The following ZNF841 variants were observed in gnomAD, a reference collection of about 807,000 sequenced individuals.
The protein encoded by ZNF841 is TCONS_00006091.
Under a neutral mutation model 13.0 loss-of-function variants are expected in ZNF841, and 11 were observed. The ratio of observed to expected loss-of-function variants is 0.85; its 90% CI spans 0.53 to 1.40. The LOEUF is 1.40. ZNF841 is among the 40% of genes most tolerant of loss of function. ZNF841 has a pLI of 0.00. For synonymous variants in ZNF841, 369 were observed against 381.6 expected, an observed-to-expected ratio of 0.97 and a Z score of 0.38; for missense variants, 1,068 against 1,139.5, an observed-to-expected ratio of 0.94 and a Z score of 0.90.
chr19:52,085,199 G>A (rs970393966), intron 3 of ZNF841, among the ~76,000 whole-genome samples: 7 of 152,132 alleles, frequency 4.6e-5, no homozygotes, highest in Non-Finnish European at 8.8e-5. Flanking sequence ...TGGATCACAG[G>A]CTGAGCTCAG....
intron 2 of ZNF841, among the ~76,000 whole-genome samples, chr19:52,091,966 ATGG>A (rs1310375320): frequency 6.6e-6 from 1 of 152,248 alleles, no homozygotes; most frequent in Non-Finnish European, 1.5e-5. Flanking sequence ...CCTGGCCAAC[ATGG>A]TGAGACCCTG....
chr19:52,079,308 G>C (rs950407338), intron 4 of ZNF841, among the ~76,000 whole-genome samples: 2 of 151,838 alleles, frequency 1.3e-5, no homozygotes, highest in African/African-American at 4.8e-5. Context: ...TTCAAGATTA[G>C]GTGGTTTATA....
intron 3 of ZNF841, among the ~76,000 whole-genome samples, chr19:52,085,390 G>A (rs1296777340): frequency 6.6e-6 from 1 of 152,184 alleles, no homozygotes; most frequent in Non-Finnish European, 1.5e-5. Flanking sequence ...GTGAAGCCAG[G>A]GTTGAACACA....
At chr19:52,069,612 C>G (rs2087684789) in intron 6 of ZNF841, among the ~76,000 whole-genome samples, 1 of 152,114 alleles carries the variant, frequency 6.6e-6, no homozygotes, top group Admixed American at 6.5e-5. Flanking sequence ...CTTTGGAAGG[C>G]AATTAGGTCA....
downstream of ZNF841, among the ~76,000 whole-genome samples, chr19:52,063,453 G>A (rs1203090291): frequency 6.6e-6 from 1 of 152,078 alleles, no homozygotes; most frequent in Non-Finnish European, 1.5e-5. Context: ...GGATTCAAGT[G>A]ATTCTTCTGC....
At chr19:52,085,575 G>A (rs911941058) in intron 3 of ZNF841, among the ~76,000 whole-genome samples, 1 of 152,234 alleles carries the variant, frequency 6.6e-6, no homozygotes, top group African/African-American at 2.4e-5. Context: ...GGTGAGAGGA[G>A]GGTGAGGCAC....
intron 4 of ZNF841, among the ~76,000 whole-genome samples, chr19:52,077,783 T>A (rs1194649423): frequency 6.6e-6 from 1 of 152,216 alleles, no homozygotes; most frequent in Non-Finnish European, 1.5e-5. Flanking sequence ...TAAGAGAGAC[T>A]AACTAACTTA....
At position 52,065,620 on chromosome 19, in the gene ZNF841, C is replaced by G; in HGVS notation, c.2262G>C (p.Arg754Ser). ...TCTCTCCAGTATGAATTCTCCGATG[C>G]CTTGCCAGGGTTGTAGTGGAGTTAA... ...KVFNSTTTLA[R>S]HRRIHTGEKP... The change falls in exon 7 of 7, where the codon AGG (arginine) becomes AGC (serine). Residue 754 changes from arginine (R) to serine (S), a missense_variant. Transcript: ENST00000594440. 1 of 1,610,948 alleles carries G rather than the reference C, an allele frequency of 6.2e-7. No homozygotes were observed. The highest frequency in any genetic ancestry group is 8.5e-7 in the Non-Finnish European group (1 of 1,178,578).
intron 5 of ZNF841, 92 bp downstream of exon 5, chr19:52,076,866 C>A: frequency 1.3e-6 from 2 of 1,493,746 alleles, no homozygotes; most frequent in Admixed American, 1.9e-5. Context: ...CAGTCTCTGT[C>A]AAATAATGTA....
Position 52,067,253 on chromosome 19 carries a change from A to G in ZNF841, c.629T>C (p.Ile210Thr), listed in dbSNP as rs1440607156. 8 of 1,551,210 alleles carry G rather than the reference A, an allele frequency of 5.2e-6. No individual in the cohort carries two copies. Residue 210 changes from isoleucine (I) to threonine (T), a missense_variant, in exon 7 of 7, where the codon ATT becomes ACT. Transcript: ENST00000594440. ...TAEKIYGCNQ[I>T]ERTVNNCFLA... ...AAAACAATTATTAACTGTCCTCTCA[A>G]TTTGATTACATCCATAAATTTTCTC...
intron 4 of ZNF841, among the ~76,000 whole-genome samples, chr19:52,077,784 AAC>A (rs1376465776): frequency 6.6e-6 from 1 of 152,218 alleles, no homozygotes; most frequent in Non-Finnish European, 1.5e-5. Flanking sequence ...AAGAGAGACT[AAC>A]TAACTTATGA....
At position 52,066,194 on chromosome 19, in the gene ZNF841, TGAC is replaced by T. The variant is rs1381606355; in HGVS notation, c.1685_1687del (p.Cys562_His563delinsTyr). 1 of 1,613,960 alleles carries T rather than the reference TGAC, an allele frequency of 6.2e-7. No homozygotes were observed. Among genetic ancestry groups the T allele is most frequent in the East Asian group, 2.2e-5 (1 of 44,878 alleles). Reference sequence around the variant, plus strand: ...ACAATGGAGAGGTTTCTCTCCAGTATGACATCTCATATGAACCGAAAGGTATCC... The same window carrying T: ...ACAATGGAGAGGTTTCTCTCCAGTATATCTCATATGAACCGAAAGGTATCC... On this transcript the variant is annotated inframe_deletion, in exon 7 of 7. Transcript: ENST00000594440.
rs929110487 is a variant in ZNF841 at position 52,065,024 on chromosome 19, C to T, written c.*83G>A. The T allele has an allele frequency of 1.0e-5, 13 of 1,279,202 alleles. No homozygotes were observed. Among genetic ancestry groups the T allele is most frequent in the Non-Finnish European group, 1.4e-5 (13 of 954,466 alleles). 79.2% of individuals were successfully genotyped at this position (1,279,202 alleles called of 1,614,324 possible). ...CCAATCACCTCCCACTAGGCTCCACCTCCAATACTGGAGATTACTACAATT... is the reference window on the plus strand; with the variant it reads ...CCAATCACCTCCCACTAGGCTCCACTTCCAATACTGGAGATTACTACAATT... On this transcript the variant is annotated 3_prime_UTR_variant, in exon 7 of 7. Coordinates refer to ENST00000594440, the MANE Select transcript of ZNF841 (RefSeq NM_001136499.2).
intron 6 of ZNF841, among the ~76,000 whole-genome samples, chr19:52,072,318 T>C (rs1221956114): frequency 1.3e-5 from 2 of 152,122 alleles, no homozygotes; most frequent in Non-Finnish European, 2.9e-5. Flanking sequence ...CTAAACTATA[T>C]ATCAAGTTGA....
the ZNF841 span, among the ~76,000 whole-genome samples, chr19:52,059,388 TATACAC>T: frequency 1.7e-5 from 2 of 118,152 alleles, no homozygotes; most frequent in Admixed American, 9.9e-5. Context: ...TATATATATA[TATACAC>T]ACACACACAC....
chr19:52,082,217 A>G (rs1338337487), intron 4 of ZNF841, among the ~76,000 whole-genome samples: 1 of 152,248 alleles, frequency 6.6e-6, no homozygotes, highest in Non-Finnish European at 1.5e-5. Context: ...TGATGGTGAC[A>G]AGACCTGCGA....
At chr19:52,095,247 G>C (rs1303651926) in intron 1 of ZNF841, among the ~76,000 whole-genome samples, 1 of 152,222 alleles carries the variant, frequency 6.6e-6, no homozygotes, top group Admixed American at 6.5e-5. Context: ...CCGGCGTGAG[G>C]ACGACACGAG....
chr19:52,089,789 T>C lies in ZNF841; in HGVS notation c.-143-787A>G, dbSNP rs149962181. ...ACACTTGGGACAGGTGCACACACCA[T>C]ACCATGGCTCATCTGAAGGCCCACC... On this transcript the variant is annotated intron_variant, in intron 2 of 6. Transcript: ENST00000594440. Among the ~76,000 whole-genome samples the C allele has an allele frequency of 2.9e-3, 436 of 152,284 alleles. 3 individuals are homozygous for C. The highest frequency in any genetic ancestry group is 0.014 in the Middle Eastern group (4 of 294).
At position 52,065,500 on chromosome 19, in the gene ZNF841, T is replaced by C; in HGVS notation, c.2382A>G (p.Lys794=). Residue 794 remains lysine (K), a synonymous_variant, in exon 7 of 7, where the codon AAA becomes AAG. Coordinates refer to ENST00000594440, the MANE Select transcript of ZNF841 (RefSeq NM_001136499.2). ...TAAAGGCTTTGCCACACTCATTACA[T>C]TTGTAAGGTTTCTCTCCAGTATGAA... is the stretch of plus-strand genomic sequence containing the variant. ...WSIHTGEKPY[K]CNECGKAFRV... The C allele has an allele frequency of 9.9e-6, 16 of 1,613,912 alleles. No individual in the cohort carries two copies. Among genetic ancestry groups the C allele is most frequent in the Non-Finnish European group, 1.3e-5 (15 of 1,179,970 alleles).
Sources: allele counts gnomAD v4.1 joint callset (sites outside exome capture counted in the v4.1 genomes callset), GRCh38; gene constraint gnomAD v4.1.1; transcripts MANE v1.5; gene names NCBI Gene and HGNC (gene_info 2026-07-23, HGNC 2026-07-21).